SUPT3H: variants seen among roughly 807,000 people sequenced by gnomAD.
SUPT3H encodes the protein SPT3 homolog, SAGA and STAGA complex component, also known as transcription initiation protein SPT3 homolog.
In SUPT3H, 44 loss-of-function variants were observed where a neutral mutation model predicts 44.3. The ratio of observed to expected loss-of-function variants is 0.99; its 90% CI spans 0.78 to 1.28. The LOEUF is 1.28. Among genes scored for constraint, SUPT3H ranks in the 50% most tolerant of loss-of-function variants. SUPT3H has a pLI of 0.00. For synonymous variants in SUPT3H, 124 were observed against 125.6 expected (o/e 0.99, Z 0.09); for missense variants, 380 against 387.1 (o/e 0.98, Z 0.15).
At chr6:44,872,518 C>T (rs1383361424) in intron 10 of SUPT3H, among the ~76,000 whole-genome samples, 6 of 151,994 alleles carry the variant, frequency 3.9e-5, no homozygotes, top group African/African-American at 1.2e-4. Context: ...TGGAAAGGAA[C>T]AACCGGTACC....
At chr6:45,228,584 C>T (rs953667949) in intron 2 of SUPT3H, among the ~76,000 whole-genome samples, 3 of 151,842 alleles carry the variant, frequency 2.0e-5, no homozygotes, top group Admixed American at 6.6e-5. Flanking sequence ...TGCAAACACC[C>T]GCGCGCGCGC....
intron 1 of SUPT3H, among the ~76,000 whole-genome samples, chr6:45,376,818 T>C (rs1383072504): frequency 6.6e-6 from 1 of 152,222 alleles, no homozygotes; most frequent in Non-Finnish European, 1.5e-5. Flanking sequence ...CCTTCACATA[T>C]ACTAAGACCC....
chr6:45,242,339 C>T (rs4714844), intron 2 of SUPT3H, among the ~76,000 whole-genome samples: 6 of 152,064 alleles, frequency 3.9e-5, no homozygotes, highest in South Asian at 2.1e-4. Flanking sequence ...CTAAGTGTAC[C>T]GAAGAGATAG....
intron 2 of SUPT3H, among the ~76,000 whole-genome samples, chr6:45,267,215 A>G (rs141415329): frequency 1.2e-3 from 178 of 152,302 alleles, no homozygotes; most frequent in African/African-American, 4.0e-3. Context: ...ACCATGCCAC[A>G]CATATCTCCG....
At chr6:44,880,945 A>C (rs1778124563) in intron 10 of SUPT3H, among the ~76,000 whole-genome samples, 1 of 152,214 alleles carries the variant, frequency 6.6e-6, no homozygotes, top group African/African-American at 2.4e-5. Context: ...GGAAAGGAAC[A>C]ACCAGTACCA....
chr6:45,295,479 A>T (rs1486048584), intron 2 of SUPT3H, among the ~76,000 whole-genome samples: 1 of 150,836 alleles, frequency 6.6e-6, no homozygotes, highest in Non-Finnish European at 1.5e-5. Context: ...ATAAGAACAA[A>T]GATAAATTTC....
chr6:45,210,150 A>G (rs1292638309), intron 2 of SUPT3H, among the ~76,000 whole-genome samples: 1 of 152,192 alleles, frequency 6.6e-6, no homozygotes, highest in East Asian at 1.9e-4. Context: ...CGGGACCCCA[A>G]AATCACTAAG....
chr6:44,949,356 T>C (rs914532950), intron 9 of SUPT3H, among the ~76,000 whole-genome samples: 2 of 151,598 alleles, frequency 1.3e-5, no homozygotes, highest in African/African-American at 4.9e-5. Context: ...AACCTGCAGG[T>C]TGTGCACATG....
intron 7 of SUPT3H, among the ~76,000 whole-genome samples, chr6:44,961,020 T>G (rs1434854751): frequency 2.0e-5 from 3 of 152,218 alleles, no homozygotes; most frequent in Admixed American, 2.0e-4. Flanking sequence ...CATGGTCATG[T>G]GCTACTTTGT....
intron 2 of SUPT3H, among the ~76,000 whole-genome samples, chr6:45,329,289 C>G (rs539270172): frequency 5.9e-5 from 9 of 152,038 alleles, no homozygotes; most frequent in East Asian, 1.9e-4. Flanking sequence ...AACATTTTAA[C>G]CAGCTCAACT....
chr6:44,982,623 G>C (rs1007950002), intron 6 of SUPT3H, among the ~76,000 whole-genome samples: 1 of 152,136 alleles, frequency 6.6e-6, no homozygotes, highest in Non-Finnish European at 1.5e-5. Context: ...CACTTCACTT[G>C]TATCAAAGAT....
At chr6:44,847,290 T>C (rs976731062) in intron 10 of SUPT3H, among the ~76,000 whole-genome samples, 1 of 152,240 alleles carries the variant, frequency 6.6e-6, no homozygotes, top group Non-Finnish European at 1.5e-5. Flanking sequence ...TGTCTACACA[T>C]TTCATGGAAT....
chr6:45,076,991 T>C (rs1350895442), intron 3 of SUPT3H, among the ~76,000 whole-genome samples: 2 of 152,178 alleles, frequency 1.3e-5, no homozygotes, highest in South Asian at 2.1e-4. Context: ...ATGCATGCTA[T>C]GTTCCCCTCA....
intron 5 of SUPT3H, among the ~76,000 whole-genome samples, chr6:45,009,980 G>A (rs1001329290): frequency 3.7e-5 from 4 of 107,096 alleles, no homozygotes; most frequent in Non-Finnish European, 8.0e-5. Context: ...CATGAACGTA[G>A]GATGTCTTTC....
In SUPT3H at chr6:45,200,149, AAATT is replaced by A. The variant is rs1167330837; in HGVS notation, c.102-94147_102-94144del. ...GAAAGAAAAACATTTATAATTTTGA[AAATT>A]AATTAGTAACAATACTCAGTGTAAA... On this transcript the variant is annotated intron_variant, in intron 2 of 10. Transcript: ENST00000371459. Among the ~76,000 whole-genome samples the A allele has an allele frequency of 2.4e-4, 36 of 151,568 alleles. 1 individual carries two copies. The highest frequency in any genetic ancestry group is 8.2e-4 in the African/African-American group (34 of 41,406).
At chr6:45,248,396 T>TA (rs912926455) in intron 2 of SUPT3H, among the ~76,000 whole-genome samples, 7 of 151,296 alleles carry the variant, frequency 4.6e-5, no homozygotes, top group East Asian at 1.9e-4. Flanking sequence ...GCTCTCCAAA[T>TA]AAAAAAAATA....
chr6:44,841,408 G>T (rs1770914967), intron 10 of SUPT3H, among the ~76,000 whole-genome samples: 1 of 152,058 alleles, frequency 6.6e-6, no homozygotes, highest in Non-Finnish European at 1.5e-5. Context: ...TTTTTTTAAA[G>T]CCTCACCAAA....
intron 10 of SUPT3H, among the ~76,000 whole-genome samples, chr6:44,902,895 T>C (rs1320105800): frequency 6.6e-6 from 1 of 152,104 alleles, no homozygotes; most frequent in Non-Finnish European, 1.5e-5. Flanking sequence ...ACTGCTCAAC[T>C]ACATGGAAAC....
intron 10 of SUPT3H, among the ~76,000 whole-genome samples, chr6:44,915,214 C>T (rs933479704): frequency 1.3e-5 from 2 of 152,154 alleles, no homozygotes; most frequent in Non-Finnish European, 2.9e-5. Context: ...TATAACATTA[C>T]ACATTTTTCT....
Sources: allele counts gnomAD v4.1 joint callset (sites outside exome capture counted in the v4.1 genomes callset), GRCh38; gene constraint gnomAD v4.1.1; transcripts MANE v1.5; gene names NCBI Gene and HGNC (gene_info 2026-07-23, HGNC 2026-07-21).